QTMAN: variants seen among roughly 807,000 people sequenced by gnomAD.
QTMAN encodes the protein tRNA-queuosine alpha-mannosyltransferase.
chr2:144,131,969 G>T, the QTMAN span, among the ~76,000 whole-genome samples: 1 of 151,776 alleles, frequency 6.6e-6, no homozygotes, highest in Non-Finnish European at 1.5e-5. Context: ...CCCAAAGCTT[G>T]GTGAGTCTTA....
the QTMAN span, among the ~76,000 whole-genome samples, chr2:144,046,390 T>G: frequency 6.6e-6 from 1 of 152,214 alleles, no homozygotes; most frequent in Non-Finnish European, 1.5e-5. Flanking sequence ...GATCCACTAT[T>G]TTGTTTTTGT....
chr2:144,133,246 A>AATATATATTTATATATAC, the QTMAN span, among the ~76,000 whole-genome samples: 1 of 27,022 alleles, frequency 3.7e-5, no homozygotes, highest in Non-Finnish European at 6.1e-5. Flanking sequence ...TTTATATATA[A>AATATATATTTATATATAC]ATATATATAA....
the QTMAN span, among the ~76,000 whole-genome samples, chr2:143,982,246 T>C: frequency 6.6e-6 from 1 of 151,960 alleles, no homozygotes; most frequent in Admixed American, 6.6e-5. Context: ...CTTTTTTTTT[T>C]TGAGACAGTG....
At chr2:144,198,355 A>G in the QTMAN span, among the ~76,000 whole-genome samples, 9 of 152,350 alleles carry the variant, frequency 5.9e-5, no homozygotes, top group East Asian at 3.9e-4. Flanking sequence ...GCCAAACATG[A>G]TATCAGATGC....
the QTMAN span, among the ~76,000 whole-genome samples, chr2:144,188,143 T>TTACA: frequency 6.6e-6 from 1 of 152,200 alleles, no homozygotes; most frequent in Non-Finnish European, 1.5e-5. Context: ...AATTCTGGTG[T>TTACA]TACAGCACCC....
the QTMAN span, among the ~76,000 whole-genome samples, chr2:144,275,647 T>C: frequency 6.6e-6 from 1 of 152,040 alleles, no homozygotes; most frequent in African/African-American, 2.4e-5. Flanking sequence ...ATACCACCAT[T>C]CCCAACTCTG....
the QTMAN span, among the ~76,000 whole-genome samples, chr2:144,233,879 G>T: frequency 8.6e-5 from 13 of 151,946 alleles, no homozygotes; most frequent in South Asian, 2.1e-4. Context: ...TTAAAAAACA[G>T]ACTTAAAAAG....
chr2:144,268,765 TA>T, the QTMAN span, among the ~76,000 whole-genome samples: 1 of 152,176 alleles, frequency 6.6e-6, no homozygotes, highest in African/African-American at 2.4e-5. Context: ...AATTATTAAG[TA>T]AACATTCCTT....
At chr2:144,122,287 G>A in the QTMAN span, among the ~76,000 whole-genome samples, 4 of 152,158 alleles carry the variant, frequency 2.6e-5, no homozygotes, top group African/African-American at 9.7e-5. Flanking sequence ...ATGGGACCAT[G>A]TGTCAGTAGA....
At chr2:144,265,253 C>G in the QTMAN span, among the ~76,000 whole-genome samples, 9 of 152,206 alleles carry the variant, frequency 5.9e-5, no homozygotes, top group African/African-American at 2.2e-4. Context: ...TGGGATGATT[C>G]AACCAAGGGA....
chr2:144,280,117 A>G, the QTMAN span, among the ~76,000 whole-genome samples: 1 of 152,228 alleles, frequency 6.6e-6, no homozygotes, highest in African/African-American at 2.4e-5. Context: ...AATAAACACT[A>G]GTACTGTTAG....
At chr2:144,208,687 G>A in the QTMAN span, 1 of 1,613,646 alleles carries the variant, frequency 6.2e-7, no homozygotes, top group Non-Finnish European at 8.5e-7. Flanking sequence ...TGCAGGAAGG[G>A]TATAAACGAC....
the QTMAN span, among the ~76,000 whole-genome samples, chr2:144,120,935 G>C: frequency 1.3e-5 from 2 of 152,156 alleles, no homozygotes; most frequent in African/African-American, 4.8e-5. Context: ...CTGTTTCAAA[G>C]GGTAACGGGA....
chr2:144,279,605 A>G, the QTMAN span, among the ~76,000 whole-genome samples: 2 of 152,166 alleles, frequency 1.3e-5, no homozygotes, highest in Admixed American at 1.3e-4. Context: ...CTGGGGCTTG[A>G]GAAATTTGCA....
the QTMAN span, chr2:143,940,972 G>T: frequency 6.6e-6 from 1 of 152,242 alleles, no homozygotes; most frequent in African/African-American, 2.4e-5. Flanking sequence ...AATACACCTA[G>T]AGTAAGGTAT....
chr2:144,078,084 C>T, the QTMAN span, among the ~76,000 whole-genome samples: 1 of 152,124 alleles, frequency 6.6e-6, no homozygotes, highest in Non-Finnish European at 1.5e-5. Context: ...TCAATTAGTC[C>T]CTGAAAGGAA....
At chr2:144,145,030 T>A in the QTMAN span, among the ~76,000 whole-genome samples, 1 of 151,040 alleles carries the variant, frequency 6.6e-6, no homozygotes, top group African/African-American at 2.4e-5. Flanking sequence ...GGCTGTGCCA[T>A]TTCAGAAGAC....
the QTMAN span, among the ~76,000 whole-genome samples, chr2:144,141,615 G>C: frequency 4.1e-5 from 6 of 147,114 alleles, no homozygotes; most frequent in Non-Finnish European, 6.0e-5. Flanking sequence ...AAGAAAGAAA[G>C]AAACAAAACA....
the QTMAN span, among the ~76,000 whole-genome samples, chr2:143,994,788 G>A: frequency 1.3e-5 from 2 of 152,146 alleles, no homozygotes; most frequent in African/African-American, 4.8e-5. Context: ...TAAGGTGATG[G>A]AAATGTTCTA....
Sources: gnomAD v4.1 joint callset for allele counts (sites outside exome capture counted in the v4.1 genomes callset) on GRCh38, gnomAD v4.1.1 for gene constraint, MANE v1.5 for transcripts, NCBI Gene and HGNC (gene_info 2026-07-23, HGNC 2026-07-21) for gene names.